Variants in PTPN14 observed in about 807,000 individuals in gnomAD.
The protein encoded by PTPN14 is protein tyrosine phosphatase non-receptor type 14.
In PTPN14, 53 loss-of-function variants were observed where a neutral mutation model predicts 126.8. The ratio of observed to expected loss-of-function variants is 0.42; its 90% confidence interval spans 0.34 to 0.53. The LOEUF (loss-of-function observed/expected upper bound fraction) is 0.53, where lower values mean the gene tolerates loss of function less well. PTPN14 is among the 20% of genes least tolerant of loss of function. PTPN14 has a pLI of 0.08. For missense variants in PTPN14, 1,257 were observed against 1,552.9 expected, an observed-to-expected ratio of 0.81 and a Z score of 3.20; for synonymous variants, 630 against 599.3, an observed-to-expected ratio of 1.05 and a Z score of -0.75.
intron 3 of PTPN14, among the ~76,000 whole-genome samples, chr1:214,430,551 G>A (rs992097876): frequency 6.6e-6 from 1 of 152,182 alleles, no homozygotes; most frequent in Non-Finnish European, 1.5e-5. Flanking sequence ...TCAGTTGAAG[G>A]TCTTACAGAG....
chr1:214,486,626 A>G (rs1017889852), intron 1 of PTPN14, among the ~76,000 whole-genome samples: 2 of 152,100 alleles, frequency 1.3e-5, no homozygotes, highest in Non-Finnish European at 2.9e-5. Context: ...AACAAAACGG[A>G]AAAAAACTGA....
chr1:214,488,927 G>A (rs151162972), intron 1 of PTPN14, among the ~76,000 whole-genome samples: 14 of 152,256 alleles, frequency 9.2e-5, no homozygotes, highest in East Asian at 1.9e-4. Context: ...ACTTGTCACC[G>A]CTTCTCGAAA....
Position 214,357,907 on chromosome 1 carries a change from GC to G in PTPN14, c.*14del, listed in dbSNP as rs761546843. ...ATGGAGCTGGGTCCCTCCTCCAGGA[GC>G]TGGATTGGGGTGATTAAATGAGTCT... On this transcript the variant is annotated 3_prime_UTR_variant, in exon 19 of 19. Coordinates refer to ENST00000366956, the MANE Select transcript of PTPN14 (RefSeq NM_005401.5). 6.2e-7 allele frequency: 1 copy of G among 1,609,518 alleles called. No homozygotes were observed. Among genetic ancestry groups the G allele is most frequent in the Non-Finnish European group, 8.5e-7 (1 of 1,177,134 alleles).
intron 1 of PTPN14, among the ~76,000 whole-genome samples, chr1:214,537,729 A>G (rs1655741895): frequency 6.6e-6 from 1 of 152,220 alleles, no homozygotes; most frequent in South Asian, 2.1e-4. Context: ...CTTTTCCTTC[A>G]GTCCTCTTAG....
intron 1 of PTPN14, among the ~76,000 whole-genome samples, chr1:214,514,225 C>T (rs1226074350): frequency 1.3e-5 from 2 of 152,096 alleles, no homozygotes; most frequent in Non-Finnish European, 2.9e-5. Context: ...TGAGGTAGTC[C>T]TCAAACAGGA....
chr1:214,376,431 T>G lies in PTPN14; in HGVS notation c.2695A>C (p.Thr899Pro), dbSNP rs2102527244. The change falls in exon 15 of 19, where the codon ACC becomes CCC. Residue 899 changes from threonine (T) to proline (P), a missense_variant. Transcript: ENST00000366956. ...CCCTCTTCTAGTTTCTTCTTCAGGG[T>G]TCTGAACTGCAACAGAAATTGATCT... The part of the protein sequence containing the change: ...TRVPMDERFR[T>P]LKKKLEEGMV... 1 of 1,611,334 alleles carries G rather than the reference T, an allele frequency of 6.2e-7. No individual in the cohort carries two copies. Among genetic ancestry groups the G allele is most frequent in the East Asian group, 2.2e-5 (1 of 44,852 alleles).
Position 214,383,697 on chromosome 1 carries a change from A to G in PTPN14, c.2158T>C (p.Ser720Pro). 6.2e-7 allele frequency: 1 copy of G among 1,613,366 alleles called. No homozygotes were observed. Among genetic ancestry groups the G allele is most frequent in the Non-Finnish European group, 8.5e-7 (1 of 1,179,996 alleles). The change falls in exon 13 of 19, where the codon TCG becomes CCG. Residue 720 changes from serine (S) to proline (P), a missense_variant. Coordinates refer to ENST00000366956, the MANE Select transcript of PTPN14 (RefSeq NM_005401.5). The surrounding 1 kb of genome is among the most constrained non-coding windows in gnomAD (Gnocchi z 4.4). ...CGGAGCATGGGGATCTGGGGCACCG[A>G]TTCTGGAGCCTCCTCCTCCTCCTCC... The part of the protein sequence containing the change: ...SEEEEEEAPE[S>P]VPQIPMLREK...
At chr1:214,402,090 C>T (rs1052709124) in intron 6 of PTPN14, among the ~76,000 whole-genome samples, 4 of 151,608 alleles carry the variant, frequency 2.6e-5, no homozygotes, top group African/African-American at 9.7e-5. Context: ...TTTCTCCCAT[C>T]TGGGAGAAAT....
chr1:214,418,207 G>A (rs1005910717), intron 3 of PTPN14, among the ~76,000 whole-genome samples: 7 of 152,322 alleles, frequency 4.6e-5, no homozygotes, highest in Non-Finnish European at 7.4e-5. Flanking sequence ...AGGGCAGGCT[G>A]CTCAGTGAGC....
chr1:214,393,552 G>T (rs1658807530), intron 10 of PTPN14, 143 bp downstream of exon 10: 2 of 677,624 alleles, frequency 3.0e-6, no homozygotes, highest in Non-Finnish European at 5.1e-6. Context: ...TTTCATTCCT[G>T]CCCTGGCTTT....
intron 2 of PTPN14, among the ~76,000 whole-genome samples, chr1:214,462,145 T>A (rs1285728422): frequency 5.3e-5 from 8 of 152,186 alleles, no homozygotes; most frequent in Non-Finnish European, 1.2e-4. Flanking sequence ...TTTGGTCGAA[T>A]GCGGATGCAC....
At chr1:214,442,536 T>C (rs1467671412) in intron 3 of PTPN14, among the ~76,000 whole-genome samples, 2 of 152,216 alleles carry the variant, frequency 1.3e-5, no homozygotes, top group Non-Finnish European at 2.9e-5. Flanking sequence ...CCTTTTGAAA[T>C]ACGAATAATG....
intron 16 of PTPN14, among the ~76,000 whole-genome samples, chr1:214,370,063 A>AAGGTCAGGAGATCGAGACCATCT (rs1658180267): frequency 6.6e-6 from 1 of 152,138 alleles, no homozygotes; most frequent in Non-Finnish European, 1.5e-5. Flanking sequence ...CGTGGATCAC[A>AAGGTCAGGAGATCGAGACCATCT]AGGTCAGGAG....
chr1:214,530,660 C>A (rs575960030), intron 1 of PTPN14: 2 of 152,098 alleles, frequency 1.3e-5, no homozygotes, highest in Non-Finnish European at 2.9e-5. Context: ...TATTTTACAC[C>A]CTTAGCCTCA....
At chr1:214,509,007 T>G (rs1654907852) in intron 1 of PTPN14, among the ~76,000 whole-genome samples, 1 of 152,212 alleles carries the variant, frequency 6.6e-6, no homozygotes, top group Admixed American at 6.5e-5. Flanking sequence ...GCTTTGTTGT[T>G]CCATTTACAG....
At chr1:214,400,398 A>G (rs1479845985) in intron 7 of PTPN14, among the ~76,000 whole-genome samples, 3 of 152,238 alleles carry the variant, frequency 2.0e-5, no homozygotes, top group Non-Finnish European at 4.4e-5. Context: ...GAGCTTGGCA[A>G]TAAGTCAGAA....
intron 11 of PTPN14, among the ~76,000 whole-genome samples, chr1:214,390,196 A>T (rs986283691): frequency 6.6e-6 from 1 of 152,262 alleles, no homozygotes; most frequent in Non-Finnish European, 1.5e-5. Flanking sequence ...TGTGTAAAAA[A>T]ATCATGACCT....
chr1:214,513,933 T>A (rs1477873600), intron 1 of PTPN14, among the ~76,000 whole-genome samples: 1 of 152,118 alleles, frequency 6.6e-6, no homozygotes, highest in African/African-American at 2.4e-5. Flanking sequence ...ATCACCATCA[T>A]TAGAACCAGC....
chr1:214,374,753 C>T (rs1002596232), intron 15 of PTPN14, among the ~76,000 whole-genome samples: 4 of 152,166 alleles, frequency 2.6e-5, no homozygotes, highest in Non-Finnish European at 5.9e-5. Flanking sequence ...ACAGAGAATA[C>T]CAAGGAAGGG....
Sources: gnomAD v4.1 joint callset for allele counts (sites outside exome capture counted in the v4.1 genomes callset) on GRCh38, gnomAD v4.1.1 for gene constraint, Gnocchi (gnomAD v3.1) non-coding constraint, MANE v1.5 for transcripts, NCBI Gene and HGNC (gene_info 2026-07-23, HGNC 2026-07-21) for gene names.